Variants in NAPRT observed in about 807,000 individuals in gnomAD.
NAPRT encodes nicotinate phosphoribosyltransferase.
In NAPRT, 66 loss-of-function variants were observed where a neutral mutation model predicts 60.7. That is an observed-to-expected ratio of 1.09 (90% CI 0.89 to 1.33). NAPRT has a LOEUF of 1.33. Ranked by LOEUF, NAPRT falls within the 40% of genes most tolerant of loss-of-function variation. The probability of loss-of-function intolerance (pLI) is 0.00; values close to 1 mark genes in which losing one functional copy is unlikely to be tolerated. For missense variants in NAPRT, 818 were observed against 731.5 expected (o/e 1.12, Z -1.36); for synonymous variants, 405 against 335.7 (o/e 1.21, Z -2.26).
Position 143,578,216 on chromosome 8 carries a change from C to T in NAPRT, c.103G>A (p.Ala35Thr), listed in dbSNP as rs1191538267. The change falls in exon 1 of 13, where the codon GCG becomes ACG. Residue 35 changes from alanine (A) to threonine (T), a missense_variant. Physicochemically the swap from Ala to Thr is moderately conservative, Grantham distance 58. Coordinates refer to ENST00000449291, the MANE Select transcript of NAPRT (RefSeq NM_145201.6). ...AGCTCGAACTCGGCGGCGTCCCGCG[C>T]CCGGCCCGCGCGCCAATAGCCCAAC... ...MALGYWRAGR[A>T]RDAAEFELFF... 1 of 1,504,528 alleles carries T rather than the reference C, an allele frequency of 6.6e-7. No homozygotes were observed. Among genetic ancestry groups the T allele is most frequent in the Non-Finnish European group, 8.8e-7 (1 of 1,131,698 alleles). The allele number at this position is 1,504,528 out of a possible 1,614,324, so 93.2% of individuals were successfully genotyped here. A position where few individuals can be genotyped will look rare whatever the true frequency, so the allele number is the denominator to read the frequency against.
chr8:143,572,994 T>C (rs1037945692), downstream of NAPRT: 1 of 449,620 alleles, frequency 2.2e-6, no homozygotes, highest in African/African-American at 2.0e-5. Context: ...AGCTGGCAGA[T>C]CCACGAAGAA....
chr8:143,573,842 C>G (rs1221196163), downstream of NAPRT: 1 of 152,420 alleles, frequency 6.6e-6, no homozygotes, highest in Non-Finnish European at 1.5e-5. Flanking sequence ...TGCTCCAAGT[C>G]CCCACCCTCC....
chr8:143,577,843 C>T lies in NAPRT; in HGVS notation c.327G>A (p.Leu109=). 1 of 1,611,196 alleles carries T rather than the reference C, an allele frequency of 6.2e-7. No homozygotes were observed. The highest frequency in any genetic ancestry group is 8.5e-7 in the Non-Finnish European group (1 of 1,179,446). The change falls in exon 2 of 13, where the codon CTG becomes CTA. Residue 109 remains leucine, a synonymous_variant. Coordinates refer to ENST00000449291, the MANE Select transcript of NAPRT (RefSeq NM_145201.6). ...CGGGGAAGGCGAGGGAGCCCTCGGG[C>T]AGGGCTCGCACCGTCACCTCGGAGC... is the stretch of plus-strand genomic sequence containing the variant. ...LDCSEVTVRA[L]PEGSLAFPGV...
downstream of NAPRT, chr8:143,573,433 G>T: frequency 6.6e-6 from 1 of 152,294 alleles, no homozygotes. Context: ...ATTGGATCCT[G>T]GGGGCAACTT....
chr8:143,574,685 G>T, downstream of NAPRT: 1 of 865,262 alleles, frequency 1.2e-6, no homozygotes, highest in Non-Finnish European at 1.9e-6. Context: ...AAATCTTCCT[G>T]CTACCTCGAG....
At chr8:143,573,885 C>T (rs1178188044), downstream of NAPRT, 1 of 152,390 alleles carries the variant, frequency 6.6e-6, no homozygotes, top group Admixed American at 6.5e-5. Context: ...GTGCTGCCCA[C>T]CCTGAAGCCC....
Sources: allele counts gnomAD v4.1 joint callset, GRCh38; gene constraint gnomAD v4.1.1; transcripts MANE v1.5; gene names NCBI Gene and HGNC (gene_info 2026-07-23, HGNC 2026-07-21).